The following MCC variants were observed in gnomAD, a reference collection of about 807,000 sequenced individuals.
The protein encoded by MCC is colorectal mutant cancer protein.
MCC carries 90 observed loss-of-function variants against 116.2 expected under a neutral mutation model. The ratio of observed to expected loss-of-function variants is 0.77; its 90% CI spans 0.65 to 0.92. The LOEUF (loss-of-function observed/expected upper bound fraction) is 0.92, where lower values mean the gene tolerates loss of function less well. Ranked by LOEUF, MCC falls within the 40% of genes least tolerant of loss-of-function variation. MCC has a pLI of 0.00. For missense variants in MCC, 1,516 were observed against 1,312.2 expected, an observed-to-expected ratio of 1.16 and a Z score of -2.40; for synonymous variants, 578 against 510.5, an observed-to-expected ratio of 1.13 and a Z score of -1.78.
rs1292344304 is a variant in MCC at position 113,101,812 on chromosome 5, T to G, written c.1325A>C (p.Lys442Thr). 1 of 1,613,474 alleles carries G rather than the reference T, an allele frequency of 6.2e-7. No homozygotes were observed. Among genetic ancestry groups the G allele is most frequent in the Admixed American group, 1.7e-5 (1 of 60,004 alleles). ...NESLTAMLCS[K>T]EEELNRTKAT... ...CTTAGTCCGGTTCAGTTCTTCCTCTTTGCTGCACAGCATGGCAGTCAGGCT... is the reference window on the plus strand; with the variant it reads ...CTTAGTCCGGTTCAGTTCTTCCTCTGTGCTGCACAGCATGGCAGTCAGGCT... Residue 442 changes from lysine (K) to threonine (T), a missense_variant, in exon 8 of 19, where the codon AAA becomes ACA. Coordinates refer to ENST00000408903, the MANE Select transcript of MCC (RefSeq NM_001085377.2).
chr5:113,093,352 C>T (rs752601430), intron 8 of MCC, among the ~76,000 whole-genome samples: 35 of 152,132 alleles, frequency 2.3e-4, no homozygotes, highest in Non-Finnish European at 4.1e-4. Context: ...GCAGGAGGAT[C>T]GCTTAGCTTA....
At chr5:113,338,346 T>A (rs1767919781) in intron 3 of MCC, among the ~76,000 whole-genome samples, 1 of 152,156 alleles carries the variant, frequency 6.6e-6, no homozygotes, top group Admixed American at 6.5e-5. Flanking sequence ...GAGCTCTCTG[T>A]GCCTTGACTC....
chr5:113,164,945 G>C (rs955745503), intron 3 of MCC, among the ~76,000 whole-genome samples: 6 of 152,148 alleles, frequency 3.9e-5, no homozygotes, highest in African/African-American at 1.4e-4. Context: ...CCCTGTATAG[G>C]TAAAGGGCAG....
intron 1 of MCC, among the ~76,000 whole-genome samples, chr5:113,425,173 G>A (rs574761419): frequency 1.3e-5 from 2 of 152,102 alleles, no homozygotes; most frequent in African/African-American, 4.8e-5. Flanking sequence ...ACAACAACAG[G>A]TCTTATAAAA....
At chr5:113,483,654 G>A (rs1321926349) in intron 1 of MCC, among the ~76,000 whole-genome samples, 1 of 151,816 alleles carries the variant, frequency 6.6e-6, no homozygotes, top group African/African-American at 2.4e-5. Flanking sequence ...AAGACCTAAA[G>A]ACAGAAATAC....
At chr5:113,332,032 T>G (rs1332230687) in intron 3 of MCC, among the ~76,000 whole-genome samples, 2 of 151,686 alleles carry the variant, frequency 1.3e-5, no homozygotes, top group East Asian at 3.8e-4. Flanking sequence ...GACAACAACG[T>G]CATCTTGAGA....
intron 14 of MCC, among the ~76,000 whole-genome samples, chr5:113,058,153 C>A (rs1210327751): frequency 1.3e-5 from 2 of 152,180 alleles, no homozygotes; most frequent in Non-Finnish European, 2.9e-5. Context: ...CTTCAGACTA[C>A]TTTTTGGGAA....
intron 1 of MCC, among the ~76,000 whole-genome samples, chr5:113,463,466 A>G (rs1771803755): frequency 6.6e-6 from 1 of 152,202 alleles, no homozygotes. Flanking sequence ...TAAAAGGTAA[A>G]ATAATAGGAC....
rs189203190 is a variant in MCC at position 113,410,102 on chromosome 5, C to T, written c.171-24890G>A. ...TACCTATGTCTCTGTCTCCGTATAACTTCCCCCAACGGGATCTTGCTGAAC... is the reference window on the plus strand; with the variant it reads ...TACCTATGTCTCTGTCTCCGTATAATTTCCCCCAACGGGATCTTGCTGAAC... On this transcript the variant is annotated intron_variant, in intron 1 of 18. Coordinates refer to ENST00000408903, the MANE Select transcript of MCC (RefSeq NM_001085377.2). Among the ~76,000 whole-genome samples the T allele has an allele frequency of 2.6e-5, 4 of 152,304 alleles. No homozygotes were observed. The East Asian group carries it at 5.8e-4, about 22-fold the overall frequency.
At chr5:113,176,589 G>A (rs1175022272) in intron 3 of MCC, among the ~76,000 whole-genome samples, 1 of 152,158 alleles carries the variant, frequency 6.6e-6, no homozygotes, top group African/African-American at 2.4e-5. Context: ...CCCAGAGGAT[G>A]ACACTTGATG....
intron 3 of MCC, among the ~76,000 whole-genome samples, chr5:113,316,301 C>T (rs541456398): frequency 2.0e-4 from 30 of 151,516 alleles, no homozygotes; most frequent in Admixed American, 1.8e-3. Flanking sequence ...AAGTAGTCTA[C>T]TTATCATAAG....
intron 5 of MCC, among the ~76,000 whole-genome samples, chr5:113,129,306 G>C (rs1293087923): frequency 2.0e-5 from 3 of 152,276 alleles, no homozygotes; most frequent in Middle Eastern, 3.4e-3. Flanking sequence ...GAAGGAAAGA[G>C]GGCCTAGGGT....
At chr5:113,388,514 T>C (rs535691531) in intron 1 of MCC, among the ~76,000 whole-genome samples, 1 of 152,274 alleles carries the variant, frequency 6.6e-6, no homozygotes, top group South Asian at 2.1e-4. Flanking sequence ...CCCTTGGTGA[T>C]GAGTGAGTTC....
chr5:113,431,329 G>A (rs1266952165), intron 1 of MCC, among the ~76,000 whole-genome samples: 1 of 152,100 alleles, frequency 6.6e-6, no homozygotes, highest in Admixed American at 6.5e-5. Context: ...TTACACTTCT[G>A]GATGCCAGAA....
At chr5:113,191,761 G>A (rs895493003) in intron 3 of MCC, among the ~76,000 whole-genome samples, 9 of 152,166 alleles carry the variant, frequency 5.9e-5, no homozygotes, top group Non-Finnish European at 1.2e-4. Flanking sequence ...ATAGAACAGC[G>A]ATGAGAAAGA....
chr5:113,151,377 G>T lies in MCC; in HGVS notation c.673C>A (p.Leu225Ile). 1.9e-6 allele frequency: 3 copies of T among 1,613,658 alleles called. No homozygotes were observed. The highest frequency in any genetic ancestry group is 2.5e-6 in the Non-Finnish European group (3 of 1,179,796). ...LASLKGDIVE[L>I]NKRLQQTERE... The stretch of plus-strand genomic sequence containing the variant: ...TCTGTTTGCTGGAGACGTTTATTAA[G>T]TTCCACTATATCTCCCTTTAGTGAT... Residue 225 changes from leucine (L) to isoleucine (I), a missense_variant, in exon 4 of 19, where the codon CTT becomes ATT. Transcript: ENST00000408903.
intron 3 of MCC, among the ~76,000 whole-genome samples, chr5:113,167,062 G>A (rs1760809951): frequency 6.6e-6 from 1 of 152,144 alleles, no homozygotes; most frequent in Non-Finnish European, 1.5e-5. Context: ...TAATGTGGGT[G>A]CAGCCCTGCC....
chr5:113,458,253 T>C (rs7706796), intron 1 of MCC, among the ~76,000 whole-genome samples: 48,720 of 151,808 alleles, frequency 0.32, 9,749 homozygotes, highest in African/African-American at 0.55. Context: ...TAACACTCAC[T>C]GCGAAGGTCT....
In MCC at chr5:113,078,168, C is replaced by T. The variant is rs1237278071; in HGVS notation, c.1784+4692G>A. 2.0e-5 allele frequency among the ~76,000 whole-genome samples: 3 copies of T among 152,110 alleles called. No homozygotes were observed. In the South Asian group the frequency reaches 6.2e-4, roughly 32 times the overall value. Reference sequence around the variant, plus strand: ...TGAAATTGAGGCAATAATTAATAGCCTATCAACCAAAAGAAGTCCAGGACC... The same window carrying T: ...TGAAATTGAGGCAATAATTAATAGCTTATCAACCAAAAGAAGTCCAGGACC... On this transcript the variant is annotated intron_variant, in intron 11 of 18. Transcript: ENST00000408903.
Sources: gnomAD v4.1 joint callset for allele counts (sites outside exome capture counted in the v4.1 genomes callset) on GRCh38, gnomAD v4.1.1 for gene constraint, MANE v1.5 for transcripts, NCBI Gene and HGNC (gene_info 2026-07-23, HGNC 2026-07-21) for gene names.